The following ADCY5 variants were observed in gnomAD, a reference collection of about 807,000 sequenced individuals.
ADCY5 encodes adenylate cyclase 5.
In ADCY5, 30 loss-of-function variants were observed where a neutral mutation model predicts 119.7. That is an observed-to-expected ratio of 0.25 (90% CI 0.19 to 0.34). The LOEUF (loss-of-function observed/expected upper bound fraction) is 0.34, where lower values mean the gene tolerates loss of function less well. Among genes scored for constraint, ADCY5 ranks in the 10% least tolerant of loss-of-function variants. The pLI is 1.00. For synonymous variants in ADCY5, 753 were observed against 762.2 expected (o/e 0.99, Z 0.20); for missense variants, 1,324 against 1,775.2 (o/e 0.75, Z 4.57).
At chr3:123,316,383 A>G (rs1303982976) in intron 11 of ADCY5, among the ~76,000 whole-genome samples, 1 of 152,244 alleles carries the variant, frequency 6.6e-6, no homozygotes, top group Non-Finnish European at 1.5e-5. Flanking sequence ...CTCCGGGAAC[A>G]CAAACTGGAT....
intron 1 of ADCY5, among the ~76,000 whole-genome samples, chr3:123,445,528 A>G (rs1450968235): frequency 6.6e-6 from 1 of 152,196 alleles, no homozygotes; most frequent in Non-Finnish European, 1.5e-5. Flanking sequence ...CACCCAAATC[A>G]GGAGCAGTCC....
chr3:123,325,052 C>T (rs929735132), intron 8 of ADCY5, among the ~76,000 whole-genome samples: 4 of 152,320 alleles, frequency 2.6e-5, no homozygotes, highest in Admixed American at 6.5e-5. Flanking sequence ...CAGGCTGTGC[C>T]GCAAGCTCTG....
At chr3:123,344,964 T>C (rs1401658152) in intron 3 of ADCY5, among the ~76,000 whole-genome samples, 1 of 152,222 alleles carries the variant, frequency 6.6e-6, no homozygotes, top group African/African-American at 2.4e-5. Context: ...TCTCCTTTCA[T>C]CTCTTTCCTG....
intron 1 of ADCY5, among the ~76,000 whole-genome samples, chr3:123,370,132 G>A (rs1402570264): frequency 6.6e-6 from 1 of 152,152 alleles, no homozygotes; most frequent in African/African-American, 2.4e-5. Context: ...ACAGCCAGTG[G>A]GAGGAGTGGC....
rs1032353674 is a variant in ADCY5, at chr3:123,373,762, C to A, written c.1135-21181G>T. 2.1e-4 allele frequency among the ~76,000 whole-genome samples: 7 copies of A among 33,770 alleles called. 1 individual carries two copies. The highest frequency in any genetic ancestry group is 0.083 in the East Asian group (1 of 12). The allele number at this position is 33,770 out of a possible 152,430, so 22.2% of individuals were successfully genotyped here. A position where few individuals can be genotyped will look rare whatever the true frequency, so the allele number is the denominator to read the frequency against. ...CCAACAGGCCAGAAGCATCACGCCC[C>A]CCCCCCCCCGACCCCCCCGCAGGTA... On this transcript the variant is annotated intron_variant, in intron 1 of 20. Coordinates refer to ENST00000462833, the MANE Select transcript of ADCY5 (RefSeq NM_183357.3).
At chr3:123,293,481 T>C (rs1440964718) in intron 17 of ADCY5, among the ~76,000 whole-genome samples, 1 of 151,686 alleles carries the variant, frequency 6.6e-6, no homozygotes, top group Non-Finnish European at 1.5e-5. Flanking sequence ...GGAGAGAAGT[T>C]GCCACAGGCT....
chr3:123,428,753 G>A lies in ADCY5; in HGVS notation c.1134+18659C>T, dbSNP rs577765408. ...CCCAGGGCACATGCCTCTAATTTGC[G>A]GGGGGTGCCTATTTGGGATACAGAT... On this transcript the variant is annotated intron_variant, in intron 1 of 20. Transcript: ENST00000462833. 5.6e-4 allele frequency among the ~76,000 whole-genome samples: 84 copies of A among 149,322 alleles called. 2 individuals carry two copies. The South Asian group carries it at 0.015, about 27-fold the overall frequency.
At chr3:123,367,791 T>A in intron 1 of ADCY5, 1 of 1,423,538 alleles carries the variant, frequency 7.0e-7, no homozygotes, top group Admixed American at 2.4e-5. Context: ...CATGCCCACA[T>A]CTCCTCCCTC....
intron 3 of ADCY5, among the ~76,000 whole-genome samples, chr3:123,333,530 C>A (rs1004930785): frequency 6.6e-6 from 1 of 152,242 alleles, no homozygotes; most frequent in Non-Finnish European, 1.5e-5. Context: ...ACTGGAGGGC[C>A]GAGGACGCTG....
chr3:123,294,671 C>T (rs1466034825), intron 17 of ADCY5, among the ~76,000 whole-genome samples: 2 of 152,102 alleles, frequency 1.3e-5, no homozygotes, highest in Admixed American at 1.3e-4. Context: ...TGGAACAGCT[C>T]GATACAGAGG....
chr3:123,376,546 C>T (rs1013820016), intron 1 of ADCY5, among the ~76,000 whole-genome samples: 1 of 152,142 alleles, frequency 6.6e-6, no homozygotes, highest in Non-Finnish European at 1.5e-5. Context: ...AGGTCTCACC[C>T]CACTCAGGGC....
At chr3:123,389,444 C>A (rs1471128474) in intron 1 of ADCY5, among the ~76,000 whole-genome samples, 1 of 152,100 alleles carries the variant, frequency 6.6e-6, no homozygotes, top group Admixed American at 6.5e-5. Flanking sequence ...AATCTTCAAA[C>A]CACTTTTTCC....
chr3:123,290,065 G>C (rs77853756), intron 18 of ADCY5, 111 bp from the exon 19 acceptor site: 1 of 1,061,066 alleles, frequency 9.4e-7, no homozygotes, highest in African/African-American at 1.6e-5. Flanking sequence ...TCATGTGTCC[G>C]CTCTTCACAC....
Position 123,448,225 on chromosome 3 carries a change from G to T in ADCY5, c.321C>A (p.Gly107=). 7.3e-7 allele frequency: 1 copy of T among 1,364,050 alleles called. No individual in the cohort carries two copies. The highest frequency in any genetic ancestry group is 9.4e-7 in the Non-Finnish European group (1 of 1,059,006). The allele number at this position is 1,364,050 out of a possible 1,614,324, so 84.5% of individuals were successfully genotyped here. ...GGCTGCCGCGACCGCAGTCGTCGCCGCCGCGCTCCTGCCAGGCGGACTTGG... is the reference window on the plus strand; with the variant it reads ...GGCTGCCGCGACCGCAGTCGTCGCCTCCGCGCTCCTGCCAGGCGGACTTGG... ...FRSKSAWQER[G]GDDCGRGSRR... is the part of the protein sequence containing the mutation. The change falls in exon 1 of 21, where the codon GGC becomes GGA. Residue 107 remains glycine (G), a synonymous_variant. Coordinates refer to ENST00000462833, the MANE Select transcript of ADCY5 (RefSeq NM_183357.3).
chr3:123,368,450 A>T (rs917013910), intron 1 of ADCY5, among the ~76,000 whole-genome samples: 1 of 152,206 alleles, frequency 6.6e-6, no homozygotes, highest in Non-Finnish European at 1.5e-5. Flanking sequence ...ACAAAAAATT[A>T]GCTGGGCATG....
At chr3:123,346,607 T>TCTCTCTCTCTCTCTC (rs1316376575) in intron 3 of ADCY5, among the ~76,000 whole-genome samples, 5 of 128,068 alleles carry the variant, frequency 3.9e-5, no homozygotes, top group Admixed American at 7.6e-5. Context: ...CAGCCTCACC[T>TCTCTCTCTCTCTCTC]TCTCTCTCTC....
chr3:123,391,444 C>G (rs1469050302), intron 1 of ADCY5, among the ~76,000 whole-genome samples: 1 of 152,094 alleles, frequency 6.6e-6, no homozygotes, highest in South Asian at 2.1e-4. Flanking sequence ...CTATAAATTA[C>G]TATTATGACT....
intron 1 of ADCY5, among the ~76,000 whole-genome samples, chr3:123,372,000 C>A (rs560928366): frequency 1.3e-5 from 2 of 152,192 alleles, no homozygotes; most frequent in Non-Finnish European, 2.9e-5. Flanking sequence ...CCTGCCCCAC[C>A]TTCTGCTGGG....
chr3:123,318,190 A>G (rs553124091), intron 10 of ADCY5, 73 bp from the exon 11 acceptor site: 2 of 1,222,710 alleles, frequency 1.6e-6, no homozygotes, highest in Non-Finnish European at 2.4e-6. Context: ...TCAATCCCAC[A>G]CACCCAGGGA....
Sources: gnomAD v4.1 joint callset for allele counts (sites outside exome capture counted in the v4.1 genomes callset) on GRCh38, gnomAD v4.1.1 for gene constraint, MANE v1.5 for transcripts, NCBI Gene and HGNC (gene_info 2026-07-23, HGNC 2026-07-21) for gene names.